The following ALDH7A1 variants were observed in gnomAD, a reference collection of about 807,000 sequenced individuals.
ALDH7A1 encodes the protein alpha-aminoadipic semialdehyde dehydrogenase.
In ALDH7A1, 63 loss-of-function variants were observed where a neutral mutation model predicts 79.9. That is an observed-to-expected ratio of 0.79 (90% CI 0.64 to 0.97). ALDH7A1 has a LOEUF of 0.97. Ranked by LOEUF, ALDH7A1 falls within the 50% of genes least tolerant of loss-of-function variation. ALDH7A1 has a pLI of 0.00. For missense variants in ALDH7A1, 627 were observed against 665.2 expected (o/e 0.94, Z 0.63); for synonymous variants, 240 against 231.2 (o/e 1.04, Z -0.34).
intron 11 of ALDH7A1, among the ~76,000 whole-genome samples, chr5:126,557,106 T>C (rs542235480): frequency 2.0e-5 from 3 of 152,356 alleles, no homozygotes; most frequent in Admixed American, 2.0e-4. Context: ...ATGAAGGGTA[T>C]AATCATTTGG....
chr5:126,581,002 T>C (rs1751154958), intron 5 of ALDH7A1, among the ~76,000 whole-genome samples: 1 of 152,146 alleles, frequency 6.6e-6, no homozygotes. Flanking sequence ...TTTTGTATTT[T>C]TAGTGGAAAT....
intron 5 of ALDH7A1, among the ~76,000 whole-genome samples, chr5:126,578,631 C>A: frequency 7.7e-6 from 1 of 130,660 alleles, no homozygotes; most frequent in African/African-American, 3.3e-5. Context: ...AGAGTAAGAC[C>A]CTGTATCAAA....
intron 4 of ALDH7A1, among the ~76,000 whole-genome samples, chr5:126,583,725 A>G (rs1751252025): frequency 6.6e-6 from 1 of 151,692 alleles, no homozygotes; most frequent in South Asian, 2.1e-4. Context: ...CTGTAATCCC[A>G]GCTACTCGGG....
At chr5:126,584,082 G>T in intron 3 of ALDH7A1, 70 bp from the exon 4 acceptor site, 1 of 1,274,358 alleles carries the variant, frequency 7.8e-7, no homozygotes, top group Non-Finnish European at 1.1e-6. Context: ...AGTATTGGAT[G>T]TGTGCTGTAA....
intron 3 of ALDH7A1, chr5:126,588,596 GACA>G (rs1473132248): frequency 1.3e-5 from 2 of 152,074 alleles, no homozygotes; most frequent in African/African-American, 4.8e-5. Context: ...CTAGTCAAAA[GACA>G]ACATGTTAAG....
At chr5:126,578,103 A>G (rs553094806) in intron 5 of ALDH7A1, among the ~76,000 whole-genome samples, 3 of 150,916 alleles carry the variant, frequency 2.0e-5, no homozygotes, top group African/African-American at 4.9e-5. Flanking sequence ...AGCCTGGCCA[A>G]CATGGTGAAA....
rs1750393940 is a variant in ALDH7A1, at chr5:126,561,228, ATTAT to A, written c.872-108_872-105del. On this transcript the variant is annotated intron_variant, in intron 9 of 17. Coordinates refer to ENST00000409134, the MANE Select transcript of ALDH7A1 (RefSeq NM_001182.5). ...ATTATTAAATTATATAGCCTGTCCA[ATTAT>A]TTTTTATATAGCCTATCCCAATCAT... is the stretch of plus-strand genomic sequence containing the variant. The A allele has an allele frequency of 9.5e-6, 8 of 839,752 alleles. No individual in the cohort carries two copies. The Admixed American group carries it at 2.0e-4, about 20-fold the overall frequency. The allele number at this position is 839,752 out of a possible 1,614,324, so 52.0% of individuals were successfully genotyped here. A position where few individuals can be genotyped will look rare whatever the true frequency, so the allele number is the denominator to read the frequency against.
Position 126,555,941 on chromosome 5 carries a change from G to C in ALDH7A1, c.1083C>G (p.Asn361Lys). 6.2e-7 allele frequency: 1 copy of C among 1,612,754 alleles called. No homozygotes were observed. The highest frequency in any genetic ancestry group is 8.5e-7 in the Non-Finnish European group (1 of 1,178,996). The stretch of plus-strand genomic sequence containing the variant: ...GAAGGAGATACTCACGGTCCCATGG[G>C]TTCCCAACTCGGATCTGTGCATAGG... The part of the protein sequence containing the change: ...KKAYAQIRVG[N>K]PWDPNVLYGP... Residue 361 changes from asparagine to lysine, a missense_variant, in exon 12 of 18, where the codon AAC (asparagine) becomes AAG (lysine). Asn to Lys is a moderately conservative substitution (Grantham distance 94). Coordinates refer to ENST00000409134, the MANE Select transcript of ALDH7A1 (RefSeq NM_001182.5).
At chr5:126,551,882 T>A in intron 14 of ALDH7A1, 139 bp downstream of exon 14, 1 of 753,284 alleles carries the variant, frequency 1.3e-6, no homozygotes, top group Non-Finnish European at 2.3e-6. Context: ...TCATATTTTA[T>A]CCTGAACCTT....
intron 11 of ALDH7A1, among the ~76,000 whole-genome samples, chr5:126,558,033 T>C (rs1290537254): frequency 2.0e-5 from 3 of 151,182 alleles, no homozygotes; most frequent in African/African-American, 7.3e-5. Context: ...CCAGGCAGGG[T>C]GGCACGTGCC....
intron 6 of ALDH7A1, 26 bp from the exon 7 acceptor site, chr5:126,575,490 A>T: frequency 6.3e-7 from 1 of 1,599,382 alleles, no homozygotes; most frequent in Non-Finnish European, 8.5e-7. Flanking sequence ...ACAAAAAAAG[A>T]AAAAGAAAAA....
chr5:126,575,289 A>T (rs565963713), intron 7 of ALDH7A1, 131 bp downstream of exon 7: 12 of 779,528 alleles, frequency 1.5e-5, no homozygotes, highest in Non-Finnish European at 8.2e-6. Context: ...ATAATATTAC[A>T]AGCAAAGGAG....
Position 126,559,274 on chromosome 5 carries a change from G to A in ALDH7A1, c.974C>T (p.Thr325Ile). Residue 325 changes from threonine (T) to isoleucine (I), a missense_variant, in exon 11 of 18, where the codon ACA (threonine) becomes ATA (isoleucine). Coordinates refer to ENST00000409134, the MANE Select transcript of ALDH7A1 (RefSeq NM_001182.5). The stretch of plus-strand genomic sequence containing the variant: ...CGCAGTGGTACACCTCTGGCCAGCT[G>A]TTCCCACAGCAGCGAAGAGAGCTGA... ...VPSALFAAVG[T>I]AGQRCTTARR... 1 of 1,614,016 alleles carries A rather than the reference G, an allele frequency of 6.2e-7. No individual in the cohort carries two copies. The highest frequency in any genetic ancestry group is 2.2e-5 in the East Asian group (1 of 44,876).
chr5:126,577,619 G>C (rs1167335891), intron 5 of ALDH7A1, among the ~76,000 whole-genome samples: 1 of 152,152 alleles, frequency 6.6e-6, no homozygotes, highest in Non-Finnish European at 1.5e-5. Flanking sequence ...CCAGGCTGGA[G>C]TGGAGTGGCG....
At chr5:126,578,284 G>A (rs190163011) in intron 5 of ALDH7A1, among the ~76,000 whole-genome samples, 9 of 151,672 alleles carry the variant, frequency 5.9e-5, no homozygotes, top group South Asian at 2.1e-4. Context: ...GGGAGACTCC[G>A]CCTCAAAAAA....
Position 126,549,961 on chromosome 5 carries a change from G to A in ALDH7A1, c.1457C>T (p.Pro486Leu), listed in dbSNP as rs766645306. The stretch of plus-strand genomic sequence containing the variant: ...ACCTCCAATCTCAGCCCCACTTGTT[G>A]GAATGTTGACATTTACAATGCCACA... ...SDCGIVNVNI[P>L]TSGAEIGGAF... Residue 486 changes from proline (P) to leucine (L), a missense_variant, in exon 16 of 18, where the codon CCA becomes CTA. By Grantham distance (98) the Pro-to-Leu change is moderately conservative (BLOSUM62 -3). Coordinates refer to ENST00000409134, the MANE Select transcript of ALDH7A1 (RefSeq NM_001182.5). The A allele has an allele frequency of 6.2e-7, 1 of 1,614,090 alleles. No individual in the cohort carries two copies. Among genetic ancestry groups the A allele is most frequent in the Non-Finnish European group, 8.5e-7 (1 of 1,180,018 alleles).
intron 16 of ALDH7A1, among the ~76,000 whole-genome samples, chr5:126,547,785 C>T (rs1003360177): frequency 2.6e-5 from 4 of 152,162 alleles, no homozygotes; most frequent in African/African-American, 9.7e-5. Flanking sequence ...GGTACAGTGG[C>T]TCACACCTGT....
chr5:126,570,752 A>G lies in ALDH7A1; in HGVS notation c.773+30T>C, dbSNP rs760262521. The G allele has an allele frequency of 5.0e-6, 8 of 1,610,822 alleles. No individual in the cohort carries two copies. In the Admixed American group the frequency reaches 8.3e-5, roughly 17 times the overall value. ...TAGTTGGTCAACCTGGGGTCCTTCA[A>G]CAGAGGATGCTCTCAGCCTAGTAAC... is the stretch of plus-strand genomic sequence containing the variant. On this transcript the variant is annotated intron_variant, in intron 8 of 17. Transcript: ENST00000409134.
Position 126,577,320 on chromosome 5 carries a change from G to A in ALDH7A1, c.518-109C>T, listed in dbSNP as rs1032802827. 4.9e-6 allele frequency: 7 copies of A among 1,419,566 alleles called. No individual in the cohort carries two copies. The African/African-American group carries it at 7.1e-5, about 14-fold the overall frequency. 87.9% of individuals were successfully genotyped at this position (1,419,566 alleles called of 1,614,324 possible). A position where few individuals can be genotyped will look rare whatever the true frequency, so the allele number is the denominator to read the frequency against. ...TGGAGAAGATTCCAGATGCCTTATA[G>A]TGGGAAATTGCTACACAGCCATGGG... On this transcript the variant is annotated intron_variant, in intron 5 of 17. Transcript: ENST00000409134.
Sources: allele counts gnomAD v4.1 joint callset (sites outside exome capture counted in the v4.1 genomes callset), GRCh38; gene constraint gnomAD v4.1.1; transcripts MANE v1.5; gene names NCBI Gene and HGNC (gene_info 2026-07-23, HGNC 2026-07-21).